The following NALCN variants were observed in gnomAD, a reference collection of about 807,000 sequenced individuals.
NALCN encodes the protein sodium leak channel, non-selective, also known as sodium leak channel NALCN.
Under a neutral mutation model 225.3 loss-of-function variants are expected in NALCN, and 111 were observed. That is an observed-to-expected ratio of 0.49 (90% CI 0.42 to 0.58). The LOEUF is 0.58. Among genes scored for constraint, NALCN ranks in the 20% least tolerant of loss-of-function variants. NALCN has a pLI of 0.00. For missense variants in NALCN, 1,378 were observed against 2,202.4 expected, an observed-to-expected ratio of 0.63 and a Z score of 7.49; for synonymous variants, 764 against 769.0, an observed-to-expected ratio of 0.99 and a Z score of 0.11.
intron 17 of NALCN, among the ~76,000 whole-genome samples, chr13:101,130,876 T>C (rs1416812610): frequency 6.6e-6 from 1 of 152,196 alleles, no homozygotes; most frequent in African/African-American, 2.4e-5. Flanking sequence ...TAGTTTCATA[T>C]CTTTTTATGT....
chr13:101,235,567 T>A (rs560865247), intron 12 of NALCN, among the ~76,000 whole-genome samples: 8 of 152,310 alleles, frequency 5.3e-5, no homozygotes, highest in African/African-American at 1.9e-4. Flanking sequence ...CACAGGAATG[T>A]TTGGAAAGCA....
intron 25 of NALCN, among the ~76,000 whole-genome samples, chr13:101,103,989 A>C (rs2034967216): frequency 6.6e-6 from 1 of 152,120 alleles, no homozygotes; most frequent in Admixed American, 6.6e-5. Context: ...AGAAGCCATA[A>C]GGTTTGTGGG....
chr13:101,206,164 T>C (rs1017900586), intron 13 of NALCN, among the ~76,000 whole-genome samples: 1 of 152,060 alleles, frequency 6.6e-6, no homozygotes, highest in African/African-American at 2.4e-5. Flanking sequence ...TTTAAAAGTT[T>C]TAAATCTGAG....
intron 17 of NALCN, among the ~76,000 whole-genome samples, chr13:101,130,043 A>G (rs543616552): frequency 6.6e-6 from 1 of 152,294 alleles, no homozygotes; most frequent in East Asian, 1.9e-4. Flanking sequence ...TGCAAAGGAC[A>G]TGAGCTCATT....
chr13:101,170,729 C>T (rs953552060), intron 15 of NALCN, among the ~76,000 whole-genome samples: 5 of 152,126 alleles, frequency 3.3e-5, no homozygotes, highest in African/African-American at 1.2e-4. Flanking sequence ...TAAATTGGAA[C>T]CAGGATTCAA....
At chr13:101,265,811 T>A (rs1314129218) in intron 10 of NALCN, among the ~76,000 whole-genome samples, 1 of 152,152 alleles carries the variant, frequency 6.6e-6, no homozygotes, top group Non-Finnish European at 1.5e-5. Context: ...CCAGGTAGTC[T>A]CTTGCCTTGT....
intron 7 of NALCN, among the ~76,000 whole-genome samples, chr13:101,316,787 C>A (rs1018755943): frequency 7.2e-5 from 11 of 152,120 alleles, no homozygotes; most frequent in African/African-American, 2.7e-4. Context: ...AGGTGACCAT[C>A]CACTCTAATC....
At chr13:101,330,206 G>A (rs904785599) in intron 7 of NALCN, among the ~76,000 whole-genome samples, 2 of 152,052 alleles carry the variant, frequency 1.3e-5, no homozygotes, top group Non-Finnish European at 2.9e-5. Flanking sequence ...AAGAGAGTAA[G>A]TTTTGAATGT....
intron 6 of NALCN, among the ~76,000 whole-genome samples, chr13:101,346,123 G>A (rs2045729464): frequency 1.9e-5 from 2 of 103,218 alleles, no homozygotes; most frequent in Admixed American, 1.1e-4. Flanking sequence ...GATGTTATTT[G>A]CAAAATTGTG....
In NALCN at chr13:101,074,692, CAG is replaced by C. The variant is rs34229756; in HGVS notation, c.3955-32_3955-31del. 0.17 allele frequency: 217,933 copies of C among 1,292,110 alleles called. No individual in the cohort carries two copies. Among genetic ancestry groups the C allele is most frequent in the East Asian group, 0.31 (10,442 of 33,554 alleles). 80.0% of individuals were successfully genotyped at this position (1,292,110 alleles called of 1,614,324 possible). ...GGACCAGGGGTGGGAAGCGGGGAGA[CAG>C]AGAGAGAGAGAGAGAGAGACAGAGA... On this transcript the variant is annotated intron_variant, in intron 35 of 43. Transcript: ENST00000251127.
intron 6 of NALCN, among the ~76,000 whole-genome samples, chr13:101,371,905 C>T (rs1327079358): frequency 6.6e-6 from 1 of 152,140 alleles, no homozygotes; most frequent in African/African-American, 2.4e-5. Flanking sequence ...CATGTGCTCC[C>T]TTTTACTGTC....
At chr13:101,238,037 C>T in intron 11 of NALCN, 115 bp from the exon 12 acceptor site, 1 of 789,646 alleles carries the variant, frequency 1.3e-6, no homozygotes, top group Non-Finnish European at 2.0e-6. Context: ...CTAAGGTGCC[C>T]CATAAGGTCA....
chr13:101,241,767 G>A (rs188640217), intron 11 of NALCN, among the ~76,000 whole-genome samples: 7 of 152,192 alleles, frequency 4.6e-5, no homozygotes, highest in African/African-American at 1.2e-4. Flanking sequence ...TGATCTGCCA[G>A]GGGTCAAGGT....
intron 27 of NALCN, among the ~76,000 whole-genome samples, chr13:101,099,159 ATCACTCT>A (rs1302352344): frequency 2.0e-5 from 3 of 151,656 alleles, no homozygotes; most frequent in African/African-American, 7.3e-5. Context: ...TGGATCAAAA[ATCACTCT>A]TCTTTCCACA....
intron 15 of NALCN, among the ~76,000 whole-genome samples, chr13:101,165,383 C>T (rs566761428): frequency 6.6e-6 from 1 of 152,270 alleles, no homozygotes; most frequent in Admixed American, 6.5e-5. Context: ...TAACCACCTC[C>T]TTATTGTTAA....
intron 13 of NALCN, among the ~76,000 whole-genome samples, chr13:101,220,852 A>G (rs1474387196): frequency 6.6e-6 from 1 of 152,220 alleles, no homozygotes; most frequent in Non-Finnish European, 1.5e-5. Context: ...GCTGTAATCT[A>G]GTCTTTTAAG....
At chr13:101,260,079 T>C (rs570385581) in intron 10 of NALCN, among the ~76,000 whole-genome samples, 2 of 152,172 alleles carry the variant, frequency 1.3e-5, no homozygotes, top group African/African-American at 4.8e-5. Flanking sequence ...TCCATGAGTT[T>C]GATTATCTTG....
intron 15 of NALCN, among the ~76,000 whole-genome samples, chr13:101,175,237 T>A (rs1164673270): frequency 1.1e-5 from 1 of 87,654 alleles, no homozygotes; most frequent in Non-Finnish European, 3.2e-5. Flanking sequence ...TTCATAACAA[T>A]TTTTTTTTGT....
chr13:101,363,986 A>C (rs1349965749), intron 6 of NALCN, among the ~76,000 whole-genome samples: 1 of 152,154 alleles, frequency 6.6e-6, no homozygotes, highest in Non-Finnish European at 1.5e-5. Flanking sequence ...AAAATGGTTA[A>C]CATCACTAAT....
Sources: allele counts gnomAD v4.1 joint callset (sites outside exome capture counted in the v4.1 genomes callset), GRCh38; gene constraint gnomAD v4.1.1; transcripts MANE v1.5; gene names NCBI Gene and HGNC (gene_info 2026-07-23, HGNC 2026-07-21).